KLHL1: variants seen among roughly 807,000 people sequenced by gnomAD.
KLHL1 encodes the protein kelch like family member 1.
Under a neutral mutation model 77.7 loss-of-function variants are expected in KLHL1, and 47 were observed. That is an observed-to-expected ratio of 0.60 (90% CI 0.48 to 0.77). The LOEUF (loss-of-function observed/expected upper bound fraction) is 0.77, where lower values mean the gene tolerates loss of function less well. Ranked by LOEUF, KLHL1 falls within the 30% of genes least tolerant of loss-of-function variation. The pLI, the probability that KLHL1 is intolerant of heterozygous loss-of-function variation, is 0.00. For missense variants in KLHL1, 925 were observed against 910.8 expected (o/e 1.02, Z -0.20); for synonymous variants, 360 against 325.2 (o/e 1.11, Z -1.15).
chr13:69,723,989 C>G (rs192952443), intron 8 of KLHL1, among the ~76,000 whole-genome samples: 1,817 of 152,008 alleles, frequency 0.012, 15 homozygotes, highest in Non-Finnish European at 0.021. Flanking sequence ...AGGTGCCCAC[C>G]ACCACGCCTG....
At chr13:69,789,236 AT>A (rs1876736294) in intron 7 of KLHL1, among the ~76,000 whole-genome samples, 1 of 151,852 alleles carries the variant, frequency 6.6e-6, no homozygotes, top group Non-Finnish European at 1.5e-5. Flanking sequence ...GAATTTCAGA[AT>A]TTTTTTAAAA....
intron 6 of KLHL1, among the ~76,000 whole-genome samples, chr13:69,837,031 T>C (rs1437647609): frequency 6.6e-6 from 1 of 152,046 alleles, no homozygotes; most frequent in Non-Finnish European, 1.5e-5. Flanking sequence ...TATTTTGTTA[T>C]GTTAAAACTT....
chr13:70,070,710 AT>A (rs1171256910), intron 1 of KLHL1, among the ~76,000 whole-genome samples: 1 of 152,132 alleles, frequency 6.6e-6, no homozygotes, highest in Non-Finnish European at 1.5e-5. Flanking sequence ...AATAAAAACT[AT>A]TAATAACAGC....
chr13:70,022,744 C>G (rs1019880482), intron 1 of KLHL1, among the ~76,000 whole-genome samples: 1 of 151,884 alleles, frequency 6.6e-6, no homozygotes, highest in Non-Finnish European at 1.5e-5. Flanking sequence ...ATTTTACATG[C>G]TACCATCTGA....
chr13:70,024,645 TC>T (rs1885895000), intron 1 of KLHL1, among the ~76,000 whole-genome samples: 1 of 149,990 alleles, frequency 6.7e-6, no homozygotes, highest in Non-Finnish European at 1.5e-5. Context: ...TCTCTCTCTC[TC>T]TCTCTCTCTC....
intron 1 of KLHL1, among the ~76,000 whole-genome samples, chr13:70,072,985 T>C (rs1480436031): frequency 1.3e-5 from 2 of 152,104 alleles, no homozygotes; most frequent in African/African-American, 4.8e-5. Flanking sequence ...AGTTTGACCA[T>C]TGTGGAAGAC....
chr13:69,904,265 C>T (rs558693767), intron 4 of KLHL1, among the ~76,000 whole-genome samples: 1 of 152,040 alleles, frequency 6.6e-6, no homozygotes, highest in African/African-American at 2.4e-5. Context: ...TTTTATGAGT[C>T]TCAACCAGTG....
chr13:69,811,126 C>T (rs977369132), intron 6 of KLHL1, among the ~76,000 whole-genome samples: 1 of 152,010 alleles, frequency 6.6e-6, no homozygotes, highest in Non-Finnish European at 1.5e-5. Context: ...TTTTGGGAAA[C>T]CCATGTCATC....
chr13:70,017,074 A>G (rs1275701908), intron 1 of KLHL1, among the ~76,000 whole-genome samples: 1 of 152,178 alleles, frequency 6.6e-6, no homozygotes, highest in Non-Finnish European at 1.5e-5. Flanking sequence ...TCTGCCGCTC[A>G]ATGAAGCTCT....
chr13:69,867,331 C>G (rs1323712254), intron 5 of KLHL1, among the ~76,000 whole-genome samples: 2 of 151,916 alleles, frequency 1.3e-5, no homozygotes, highest in Non-Finnish European at 2.9e-5. Flanking sequence ...CCAATAAACC[C>G]TCTCTTCTAA....
chr13:69,909,613 T>C (rs1882168220), intron 4 of KLHL1, among the ~76,000 whole-genome samples: 1 of 151,976 alleles, frequency 6.6e-6, no homozygotes, highest in African/African-American at 2.4e-5. Context: ...TAACACATAA[T>C]AATAATTTAG....
intron 6 of KLHL1, among the ~76,000 whole-genome samples, chr13:69,801,948 G>A (rs1457251593): frequency 3.3e-5 from 5 of 152,088 alleles, no homozygotes; most frequent in Non-Finnish European, 7.4e-5. Context: ...GCGCCATGGT[G>A]GTTTGCTGCA....
intron 1 of KLHL1, among the ~76,000 whole-genome samples, chr13:70,038,395 T>C (rs1886289511): frequency 6.6e-6 from 1 of 152,144 alleles, no homozygotes; most frequent in Non-Finnish European, 1.5e-5. Context: ...GACATGAGTA[T>C]TCAGTTTTTA....
intron 1 of KLHL1, among the ~76,000 whole-genome samples, chr13:70,057,802 A>AAAAAG (rs1886784990): frequency 6.1e-5 from 9 of 148,656 alleles, no homozygotes; most frequent in South Asian, 2.1e-4. Context: ...AAAAAAAAAA[A>AAAAAG]AAAGAAAGAA....
chr13:69,995,797 C>A (rs188165957), intron 1 of KLHL1, among the ~76,000 whole-genome samples: 1 of 152,038 alleles, frequency 6.6e-6, no homozygotes, highest in African/African-American at 2.4e-5. Flanking sequence ...GATGAATAGG[C>A]TAAACCTAGT....
At chr13:69,950,773 C>T (rs1883683683) in intron 3 of KLHL1, among the ~76,000 whole-genome samples, 2 of 151,572 alleles carry the variant, frequency 1.3e-5, no homozygotes, top group Admixed American at 6.6e-5. Flanking sequence ...GTACCTTGAA[C>T]CCAGTTGAGT....
rs149296098 is a variant in KLHL1, at chr13:69,754,419, C to A, written c.1640-13863G>T. The stretch of plus-strand genomic sequence containing the variant: ...ATATCCTTTTTGTATATACAAATAT[C>A]CGAACTTACCATAACACCTACCAAA... On this transcript the variant is annotated intron_variant, in intron 7 of 10. Coordinates refer to ENST00000377844, the MANE Select transcript of KLHL1 (RefSeq NM_020866.3). Among the ~76,000 whole-genome samples, 386 of 152,176 alleles carry A rather than the reference C, an allele frequency of 2.5e-3. 2 individuals carry two copies. Among genetic ancestry groups the A allele is most frequent in the African/African-American group, 8.5e-3 (355 of 41,538 alleles).
chr13:69,788,127 G>C (rs1009195811), intron 7 of KLHL1, among the ~76,000 whole-genome samples: 17 of 152,358 alleles, frequency 1.1e-4, no homozygotes, highest in Admixed American at 2.0e-4. Context: ...TCTAGAACTA[G>C]AAATACCATT....
chr13:70,009,465 T>C (rs1885479624), intron 1 of KLHL1, among the ~76,000 whole-genome samples: 1 of 152,156 alleles, frequency 6.6e-6, no homozygotes, highest in South Asian at 2.1e-4. Context: ...TTTATTTCCC[T>C]ATGACTTTAA....
Sources: allele counts gnomAD v4.1 joint callset (sites outside exome capture counted in the v4.1 genomes callset), GRCh38; gene constraint gnomAD v4.1.1; transcripts MANE v1.5; gene names NCBI Gene and HGNC (gene_info 2026-07-23, HGNC 2026-07-21).